The following ARHGEF38 variants were observed in gnomAD, a reference collection of about 807,000 sequenced individuals.
ARHGEF38 encodes the protein Rho guanine nucleotide exchange factor (GEF) 38.
ARHGEF38 carries 79 observed loss-of-function variants against 79.9 expected under a neutral mutation model. The ratio of observed to expected loss-of-function variants is 0.99; its 90% CI spans 0.82 to 1.19. The LOEUF (loss-of-function observed/expected upper bound fraction) is 1.19. ARHGEF38 is among the 50% of genes most tolerant of loss of function. The pLI, the probability that ARHGEF38 is intolerant of heterozygous loss-of-function variation, is 0.00. For synonymous variants in ARHGEF38, 366 were observed against 328.3 expected (o/e 1.11, Z -1.24); for missense variants, 962 against 907.2 (o/e 1.06, Z -0.78).
chr4:105,559,255 T>C (rs938317161), intron 1 of ARHGEF38, among the ~76,000 whole-genome samples: 3 of 152,180 alleles, frequency 2.0e-5, no homozygotes, highest in African/African-American at 7.2e-5. Flanking sequence ...CTAGACTGTT[T>C]CTGAGACTGT....
At chr4:105,561,429 A>AATGGAATGGAATGGAATG (rs1560684337) in intron 1 of ARHGEF38, among the ~76,000 whole-genome samples, 9 of 47,156 alleles carry the variant, frequency 1.9e-4, no homozygotes, top group African/African-American at 4.4e-4. Flanking sequence ...AGAATGGAAT[A>AATGGAATGGAATGGAATG]GAATAGAATA....
chr4:105,662,886 C>G (rs1175390977), intron 10 of ARHGEF38, among the ~76,000 whole-genome samples: 2 of 152,132 alleles, frequency 1.3e-5, no homozygotes, highest in Non-Finnish European at 2.9e-5. Flanking sequence ...ATCTGAGTAT[C>G]TTTCACATTG....
chr4:105,671,913 T>A (rs918474151), intron 13 of ARHGEF38, among the ~76,000 whole-genome samples: 2 of 152,184 alleles, frequency 1.3e-5, no homozygotes, highest in Non-Finnish European at 2.9e-5. Context: ...TCTTCCAGAA[T>A]TGCTATAGCA....
intron 1 of ARHGEF38, among the ~76,000 whole-genome samples, chr4:105,561,878 G>A (rs574921097): frequency 3.9e-5 from 6 of 152,292 alleles, no homozygotes; most frequent in African/African-American, 1.4e-4. Context: ...GTGGAGATAT[G>A]ACAAAGCCAA....
At chr4:105,619,806 C>A (rs1332362728) in intron 3 of ARHGEF38, among the ~76,000 whole-genome samples, 1 of 152,158 alleles carries the variant, frequency 6.6e-6, no homozygotes, top group African/African-American at 2.4e-5. Flanking sequence ...AGTTCACTGG[C>A]AATTTCCATT....
chr4:105,603,528 T>A (rs777062833), intron 2 of ARHGEF38, among the ~76,000 whole-genome samples: 1 of 152,158 alleles, frequency 6.6e-6, no homozygotes, highest in Non-Finnish European at 1.5e-5. Flanking sequence ...ATTCCCATGA[T>A]GGTGGTGTTG....
intron 1 of ARHGEF38, among the ~76,000 whole-genome samples, chr4:105,556,694 C>G (rs918949969): frequency 1.3e-5 from 2 of 152,110 alleles, no homozygotes; most frequent in African/African-American, 4.8e-5. Context: ...TGTTGCATCT[C>G]AGCAGCCCAG....
chr4:105,631,690 CCTTT>C, intron 4 of ARHGEF38: 1 of 967,628 alleles, frequency 1.0e-6, no homozygotes, highest in Non-Finnish European at 1.2e-6. Context: ...ACTATTAGCC[CCTTT>C]CTTCTTAATA....
chr4:105,603,825 C>G (rs2110479004), intron 2 of ARHGEF38, among the ~76,000 whole-genome samples: 1 of 152,248 alleles, frequency 6.6e-6, no homozygotes, highest in Non-Finnish European at 1.5e-5. Flanking sequence ...TTAGGTTTCT[C>G]AGGTATGAGC....
rs988616433 is a variant in ARHGEF38 at position 105,616,235 on chromosome 4, C to A, written c.508+2728C>A. ...GGTTATGTTTCATTCTGAAATAAAC[C>A]TTTTCAGAAGCAAGAATTTAATATA... On this transcript the variant is annotated intron_variant, in intron 3 of 13. Coordinates refer to ENST00000420470, the MANE Select transcript of ARHGEF38 (RefSeq NM_001242729.2). 7.2e-5 allele frequency among the ~76,000 whole-genome samples: 11 copies of A among 151,938 alleles called. No homozygotes were observed. The Middle Eastern group carries it at 0.01, about 141-fold the overall frequency.
chr4:105,660,196 A>G (rs1385338202), intron 10 of ARHGEF38, among the ~76,000 whole-genome samples: 1 of 152,156 alleles, frequency 6.6e-6, no homozygotes, highest in Non-Finnish European at 1.5e-5. Context: ...GTAAATGTAT[A>G]ATCAGTCTCA....
At chr4:105,593,621 CA>C (rs1306490971) in intron 2 of ARHGEF38, among the ~76,000 whole-genome samples, 1 of 152,174 alleles carries the variant, frequency 6.6e-6, no homozygotes, top group Non-Finnish European at 1.5e-5. Flanking sequence ...ACATTTGTAT[CA>C]AATGGACTAA....
chr4:105,665,801 T>C (rs1035116797), intron 10 of ARHGEF38, among the ~76,000 whole-genome samples: 6 of 152,202 alleles, frequency 3.9e-5, no homozygotes, highest in Admixed American at 3.9e-4. Context: ...TTGAAGAATT[T>C]GTTTGAAAAC....
chr4:105,589,301 G>C lies in ARHGEF38; in HGVS notation c.250G>C (p.Glu84Gln). ...CSVAETLTPE[E>Q]EHHMKRMMAK... is the part of the protein sequence containing the mutation. Reference sequence around the variant, plus strand: ...TGTAGCTGAGACCTTAACCCCAGAGGAAGAGCATCATATGAAGAGGATGAT... The same window carrying C: ...TGTAGCTGAGACCTTAACCCCAGAGCAAGAGCATCATATGAAGAGGATGAT... The change falls in exon 2 of 14, where the codon GAA (glutamate) becomes CAA (glutamine). Residue 84 changes from glutamate (E) to glutamine (Q), a missense_variant. Glu to Gln is a conservative substitution (Grantham distance 29, BLOSUM62 2). Transcript: ENST00000420470. The C allele has an allele frequency of 6.2e-7, 1 of 1,614,056 alleles. No individual in the cohort carries two copies. The highest frequency in any genetic ancestry group is 8.5e-7 in the Non-Finnish European group (1 of 1,179,974).
At chr4:105,621,724 C>T (rs1728741775) in intron 3 of ARHGEF38, among the ~76,000 whole-genome samples, 1 of 152,088 alleles carries the variant, frequency 6.6e-6, no homozygotes, top group Admixed American at 6.6e-5. Flanking sequence ...ATGAATTTTT[C>T]AGGATTATTA....
intron 5 of ARHGEF38, among the ~76,000 whole-genome samples, chr4:105,642,965 G>A (rs2110535932): frequency 6.6e-6 from 1 of 151,860 alleles, no homozygotes; most frequent in South Asian, 2.1e-4. Flanking sequence ...TCATATCCTT[G>A]ACTTGTTTCT....
chr4:105,625,720 T>C (rs555118257), intron 3 of ARHGEF38, among the ~76,000 whole-genome samples: 5 of 152,308 alleles, frequency 3.3e-5, no homozygotes, highest in Admixed American at 2.0e-4. Context: ...CCATACCAAT[T>C]GGATGGGAGG....
At chr4:105,620,341 A>G (rs1728689121) in intron 3 of ARHGEF38, among the ~76,000 whole-genome samples, 1 of 152,172 alleles carries the variant, frequency 6.6e-6, no homozygotes, top group African/African-American at 2.4e-5. Context: ...CAAGTTACAA[A>G]ACCTAATTGA....
chr4:105,674,525 A>G (rs1170020462), intron 13 of ARHGEF38, among the ~76,000 whole-genome samples: 1 of 152,116 alleles, frequency 6.6e-6, no homozygotes, highest in East Asian at 1.9e-4. Context: ...TATAACTTGT[A>G]GTCTAACATT....
Sources: allele counts gnomAD v4.1 joint callset (sites outside exome capture counted in the v4.1 genomes callset), GRCh38; gene constraint gnomAD v4.1.1; transcripts MANE v1.5; gene names NCBI Gene and HGNC (gene_info 2026-07-23, HGNC 2026-07-21).